Variants in KLHL1 observed in about 807,000 individuals in gnomAD.
KLHL1 encodes kelch-like protein 1.
KLHL1 carries 47 observed loss-of-function variants against 77.7 expected under a neutral mutation model. The observed-to-expected ratio is 0.60, with a 90% CI of 0.48 to 0.77. The LOEUF is 0.77. Among genes scored for constraint, KLHL1 ranks in the 30% least tolerant of loss-of-function variants. KLHL1 has a pLI of 0.00. For synonymous variants in KLHL1, 360 were observed against 325.2 expected (o/e 1.11, Z -1.15); for missense variants, 925 against 910.8 (o/e 1.02, Z -0.20).
intron 4 of KLHL1, among the ~76,000 whole-genome samples, chr13:69,928,101 G>T (rs1219907514): frequency 1.3e-5 from 2 of 152,174 alleles, no homozygotes; most frequent in African/African-American, 4.8e-5. Context: ...CCTATAGATA[G>T]AATTTCAGAC....
Position 70,107,935 on chromosome 13 carries a change from C to T in KLHL1, c.-236G>A, listed in dbSNP as rs1888117189. 8.3e-6 allele frequency: 4 copies of T among 480,748 alleles called. No homozygotes were observed. Among genetic ancestry groups the T allele is most frequent in the Non-Finnish European group, 1.1e-5 (3 of 274,372 alleles). The allele number at this position is 480,748 out of a possible 1,614,324, so 29.8% of individuals were successfully genotyped here. A position where few individuals can be genotyped will look rare whatever the true frequency, so the allele number is the denominator to read the frequency against. ...TCCGCAGGACCTGGGCGTGGGGACA[C>T]CACCAGGCAGGAGCAGAGGCAGGAC... On this transcript the variant is annotated 5_prime_UTR_variant, in exon 1 of 11. The change creates a new upstream start codon in the 5' untranslated region. Coordinates refer to ENST00000377844, the MANE Select transcript of KLHL1 (RefSeq NM_020866.3).
chr13:69,972,265 A>G (rs1406012043), intron 2 of KLHL1, among the ~76,000 whole-genome samples: 4 of 151,944 alleles, frequency 2.6e-5, no homozygotes, highest in Non-Finnish European at 5.9e-5. Flanking sequence ...TTGTCACTTT[A>G]GCCTCAACTG....
intron 1 of KLHL1, among the ~76,000 whole-genome samples, chr13:70,025,611 T>C (rs978028): frequency 0.83 from 125,758 of 151,634 alleles, 52,992 homozygotes; most frequent in East Asian, 0.92. Context: ...AAAAAGTAAA[T>C]TAGGAGATGC....
At chr13:70,078,283 A>G (rs2137426915) in intron 1 of KLHL1, among the ~76,000 whole-genome samples, 1 of 152,136 alleles carries the variant, frequency 6.6e-6, no homozygotes, top group Non-Finnish European at 1.5e-5. Flanking sequence ...AGGAGATTTA[A>G]TTTCATATGC....
At chr13:69,804,246 A>C (rs929624605) in intron 6 of KLHL1, among the ~76,000 whole-genome samples, 1 of 152,202 alleles carries the variant, frequency 6.6e-6, no homozygotes, top group African/African-American at 2.4e-5. Context: ...GATGTTATCC[A>C]AAGTGCAGTT....
chr13:69,886,847 C>G (rs752966500), intron 4 of KLHL1, among the ~76,000 whole-genome samples: 1 of 152,088 alleles, frequency 6.6e-6, no homozygotes, highest in Non-Finnish European at 1.5e-5. Flanking sequence ...CTCCTAGTCA[C>G]GGTTCTAAGC....
rs1282273132 is a variant in KLHL1, at chr13:69,956,018, ATATATATT to A, written c.817+5282_817+5289del. Reference sequence around the variant, plus strand: ...TTTGATATATATTTATATATATTTGATATATATTTATATATATTTATATATATTTGATA... The same window carrying A: ...TTTGATATATATTTATATATATTTGATATATATATTTATATATATTTGATA... On this transcript the variant is annotated intron_variant, in intron 3 of 10. Coordinates refer to ENST00000377844, the MANE Select transcript of KLHL1 (RefSeq NM_020866.3). Among the ~76,000 whole-genome samples, 103 of 89,006 alleles carry A rather than the reference ATATATATT, an allele frequency of 1.2e-3. 1 individual carries two copies. The highest frequency in any genetic ancestry group is 5.3e-3 in the Middle Eastern group (1 of 190). 58.4% of individuals were successfully genotyped at this position (89,006 alleles called of 152,430 possible). A position where few individuals can be genotyped will look rare whatever the true frequency, so the allele number is the denominator to read the frequency against.
intron 1 of KLHL1, among the ~76,000 whole-genome samples, chr13:70,011,466 T>C (rs1484009283): frequency 1.3e-5 from 2 of 152,208 alleles, no homozygotes; most frequent in Non-Finnish European, 2.9e-5. Context: ...TTGCCGTAGA[T>C]AATAAATTTT....
At chr13:69,983,673 A>G (rs1443976971) in intron 1 of KLHL1, among the ~76,000 whole-genome samples, 2 of 151,606 alleles carry the variant, frequency 1.3e-5, no homozygotes, top group African/African-American at 4.9e-5. Context: ...AGGCTATGAC[A>G]GGAGGGTCGC....
intron 4 of KLHL1, among the ~76,000 whole-genome samples, chr13:69,893,181 TA>T (rs139898851): frequency 6.6e-6 from 1 of 150,414 alleles, no homozygotes; most frequent in Non-Finnish European, 1.5e-5. Context: ...GTATACTCTA[TA>T]AAAAAATTGG....
At chr13:69,787,417 C>T (rs979520802) in intron 7 of KLHL1, among the ~76,000 whole-genome samples, 2 of 152,096 alleles carry the variant, frequency 1.3e-5, no homozygotes, top group Non-Finnish European at 2.9e-5. Context: ...GGAAAGGATT[C>T]CCTATTTAAT....
intron 1 of KLHL1, among the ~76,000 whole-genome samples, chr13:70,034,591 A>G (rs1886193289): frequency 6.6e-6 from 1 of 152,232 alleles, no homozygotes; most frequent in African/African-American, 2.4e-5. Flanking sequence ...CAGAAACAGA[A>G]AACACAGAAA....
Position 69,707,609 on chromosome 13 carries a change from C to T in KLHL1, c.2187+16G>A, listed in dbSNP as rs755333857. On this transcript the variant is annotated intron_variant, in intron 10 of 10. Transcript: ENST00000377844. The stretch of plus-strand genomic sequence containing the variant: ...ATTCTTATCCTTGAAGTGAATTATG[C>T]TGATGACAATCTTACCTGTGTCCAC... The T allele has an allele frequency of 2.5e-6, 4 of 1,603,230 alleles. No individual in the cohort carries two copies. The South Asian group carries it at 3.3e-5, about 13-fold the overall frequency.
At chr13:69,722,593 A>G (rs1383535767) in intron 8 of KLHL1, among the ~76,000 whole-genome samples, 1 of 152,106 alleles carries the variant, frequency 6.6e-6, no homozygotes, top group East Asian at 1.9e-4. Flanking sequence ...AATCATAACC[A>G]CAATGAGATA....
At chr13:70,014,727 A>G (rs968201306) in intron 1 of KLHL1, among the ~76,000 whole-genome samples, 2 of 152,158 alleles carry the variant, frequency 1.3e-5, no homozygotes, top group African/African-American at 2.4e-5. Flanking sequence ...TATATGAATG[A>G]TGAGATAATG....
intron 7 of KLHL1, among the ~76,000 whole-genome samples, chr13:69,776,879 G>GT (rs748289559): frequency 2.6e-5 from 4 of 152,132 alleles, no homozygotes; most frequent in Non-Finnish European, 5.9e-5. Context: ...TTGTCCTCAT[G>GT]TTTTCTAAAA....
intron 1 of KLHL1, among the ~76,000 whole-genome samples, chr13:69,991,892 A>C (rs1885038049): frequency 6.6e-6 from 1 of 152,056 alleles, no homozygotes; most frequent in Admixed American, 6.6e-5. Flanking sequence ...AATTATTTTA[A>C]ATTATTTTAC....
At chr13:69,869,610 G>A (rs753599106) in intron 5 of KLHL1, among the ~76,000 whole-genome samples, 3 of 152,040 alleles carry the variant, frequency 2.0e-5, no homozygotes, top group Non-Finnish European at 4.4e-5. Context: ...TATCTGTCTG[G>A]TTCTCTGAAT....
intron 4 of KLHL1, among the ~76,000 whole-genome samples, chr13:69,920,684 T>G (rs1882603050): frequency 6.7e-6 from 1 of 149,804 alleles, no homozygotes; most frequent in African/African-American, 2.4e-5. Context: ...CTTTTCATAC[T>G]TAAAATGCCA....
Sources: gnomAD v4.1 joint callset for allele counts (sites outside exome capture counted in the v4.1 genomes callset) on GRCh38, gnomAD v4.1.1 for gene constraint, MANE v1.5 for transcripts, NCBI Gene and HGNC (gene_info 2026-07-23, HGNC 2026-07-21) for gene names.